The following CACNA1E variants were observed in gnomAD, a reference collection of about 807,000 sequenced individuals.
The protein encoded by CACNA1E is calcium voltage-gated channel subunit alpha1 E.
In CACNA1E, 40 loss-of-function variants were observed where a neutral mutation model predicts 259.2. The observed-to-expected ratio is 0.15, with a 90% CI of 0.12 to 0.20. CACNA1E has a LOEUF of 0.20. Among genes scored for constraint, CACNA1E ranks in the 10% least tolerant of loss-of-function variants. The pLI is 1.00. For synonymous variants in CACNA1E, 1,104 were observed against 1,138.5 expected (o/e 0.97, Z 0.61); for missense variants, 1,874 against 3,040.1 (o/e 0.62, Z 9.02).
At chr1:181,731,040 A>G in intron 18 of CACNA1E, 135 bp from the exon 19 acceptor site, 1 of 687,904 alleles carries the variant, frequency 1.5e-6, no homozygotes, top group South Asian at 1.6e-5. Flanking sequence ...AGTCTACAGA[A>G]GGCAAGCAGG....
intron 6 of CACNA1E, among the ~76,000 whole-genome samples, chr1:181,643,703 T>G (rs1658009091): frequency 6.6e-6 from 1 of 152,170 alleles, no homozygotes; most frequent in Admixed American, 6.5e-5. Flanking sequence ...TGCTGCATTT[T>G]CCCACTGGCA....
At chr1:181,424,012 G>C (rs1340024932) in intron 2 of CACNA1E, among the ~76,000 whole-genome samples, 1 of 152,170 alleles carries the variant, frequency 6.6e-6, no homozygotes, top group Non-Finnish European at 1.5e-5. Flanking sequence ...TGAGTTTGCA[G>C]GTCTGCAAAA....
At chr1:181,489,730 A>G (rs925771740) in intron 1 of CACNA1E, among the ~76,000 whole-genome samples, 5 of 152,308 alleles carry the variant, frequency 3.3e-5, no homozygotes, top group African/African-American at 1.2e-4. Flanking sequence ...AGTCCTCTGT[A>G]ACCATTTCTT....
intron 17 of CACNA1E, 111 bp from the exon 18 acceptor site, chr1:181,725,954 T>A (rs965480791): frequency 1.5e-6 from 1 of 673,252 alleles, no homozygotes; most frequent in African/African-American, 1.8e-5. Flanking sequence ...CCTCTTCCTG[T>A]GTCTTCCTCA....
At chr1:181,541,762 A>G (rs542652956) in intron 3 of CACNA1E, among the ~76,000 whole-genome samples, 26 of 152,346 alleles carry the variant, frequency 1.7e-4, no homozygotes, top group African/African-American at 6.0e-4. Flanking sequence ...TTCGTATAAT[A>G]GAGAAGTAGC....
rs894437066 is a variant in CACNA1E at position 181,578,408 on chromosome 1, T to TA, written c.616+547dup. 7.9e-5 allele frequency among the ~76,000 whole-genome samples: 12 copies of TA among 151,410 alleles called. No individual in the cohort carries two copies. The South Asian group carries it at 1.2e-3, about 16-fold the overall frequency. On this transcript the variant is annotated intron_variant, in intron 4 of 47. Coordinates refer to ENST00000367573, the MANE Select transcript of CACNA1E (RefSeq NM_001205293.3). ...CATCTCCACAAAAAATAGAAAAAAG[T>TA]AAAAAAAATGTAGCTGAGCATGGCA...
At chr1:181,452,091 T>A (rs944324235) in intron 2 of CACNA1E, among the ~76,000 whole-genome samples, 7 of 152,212 alleles carry the variant, frequency 4.6e-5, no homozygotes, top group Non-Finnish European at 1.0e-4. Flanking sequence ...GGAGCCCCTA[T>A]GGTTAGGGCC....
At chr1:181,387,600 G>A (rs1214988053) in intron 1 of CACNA1E, among the ~76,000 whole-genome samples, 1 of 152,166 alleles carries the variant, frequency 6.6e-6, no homozygotes, top group Non-Finnish European at 1.5e-5. Flanking sequence ...CCCACGACAC[G>A]GTGCCCAGGG....
At chr1:181,585,016 C>CG (rs1189082815) in intron 6 of CACNA1E, among the ~76,000 whole-genome samples, 10 of 149,386 alleles carry the variant, frequency 6.7e-5, no homozygotes, top group South Asian at 2.1e-4. Flanking sequence ...ACTGGTCCCC[C>CG]CCCCTGCCTC....
intron 1 of CACNA1E, among the ~76,000 whole-genome samples, chr1:181,339,953 A>G (rs898205901): frequency 6.6e-6 from 1 of 151,946 alleles, no homozygotes; most frequent in African/African-American, 2.4e-5. Flanking sequence ...TTTTTATGAC[A>G]GTTTTTACAC....
At chr1:181,702,877 CA>C (rs1415113105) in intron 7 of CACNA1E, among the ~76,000 whole-genome samples, 5 of 152,206 alleles carry the variant, frequency 3.3e-5, no homozygotes, top group African/African-American at 1.2e-4. Context: ...GAGGAATTAT[CA>C]GTTTATAACA....
intron 13 of CACNA1E, 43 bp downstream of exon 13, chr1:181,719,906 T>G (rs1572695986): frequency 5.2e-6 from 6 of 1,142,860 alleles, no homozygotes; most frequent in Non-Finnish European, 6.4e-6. Flanking sequence ...TCTTTGAGAG[T>G]AGAACCTTTT....
chr1:181,464,023 A>G (rs995089173), intron 2 of CACNA1E, among the ~76,000 whole-genome samples: 1 of 152,050 alleles, frequency 6.6e-6, no homozygotes, highest in Non-Finnish European at 1.5e-5. Context: ...TTTCTCTGCT[A>G]TGATTAGTCC....
chr1:181,402,293 G>T (rs1657156306), intron 1 of CACNA1E, among the ~76,000 whole-genome samples: 2 of 152,156 alleles, frequency 1.3e-5, no homozygotes, highest in Admixed American at 6.5e-5. Context: ...GTTAGAGGGT[G>T]GTGTGAAGAC....
At position 181,359,182 on chromosome 1, in the gene CACNA1E, T is replaced by C. The variant is rs577297314; in HGVS notation, c.-15+41059T>C. Among the ~76,000 whole-genome samples, 3 of 152,330 alleles carry C rather than the reference T, an allele frequency of 2.0e-5. No individual in the cohort carries two copies. In the South Asian group the frequency reaches 6.2e-4, roughly 32 times the overall value. On this transcript the variant is annotated intron_variant, in intron 1 of 11. Coordinates refer to the CACNA1E transcript ENST00000524607. ...GCTAAATGCATAGCATGTACAATCA[T>C]ATTGATATAAGACACTGTCCTTTAG...
At position 181,798,854 on chromosome 1, in the gene CACNA1E, T is replaced by C; in HGVS notation, c.*20T>C. On this transcript the variant is annotated 3_prime_UTR_variant, in exon 48 of 48. Coordinates refer to ENST00000367573, the MANE Select transcript of CACNA1E (RefSeq NM_001205293.3). The surrounding 1 kb of genome is among the most constrained non-coding windows in gnomAD (Gnocchi z 4.2). ...TGCTAGAGGCTGCTCCCCCCTCCGA[T>C]GCATGCTCTTCTCTCACATGGAGAA... 1 of 1,491,176 alleles carries C rather than the reference T, an allele frequency of 6.7e-7. No individual in the cohort carries two copies. Among genetic ancestry groups the C allele is most frequent in the South Asian group, 1.4e-5 (1 of 72,664 alleles). The allele number at this position is 1,491,176 out of a possible 1,614,324, so 92.4% of individuals were successfully genotyped here.
At chr1:181,442,432 A>G (rs1660559308) in intron 2 of CACNA1E, among the ~76,000 whole-genome samples, 1 of 147,066 alleles carries the variant, frequency 6.8e-6, no homozygotes, top group South Asian at 2.1e-4. Flanking sequence ...TATAAGGGGC[A>G]CAGGTATGAA....
intron 6 of CACNA1E, among the ~76,000 whole-genome samples, chr1:181,605,344 G>A (rs1654134111): frequency 1.3e-5 from 2 of 152,198 alleles, no homozygotes; most frequent in South Asian, 4.2e-4. Context: ...AGCAGGTGGG[G>A]GCTGGGAAGT....
intron 1 of CACNA1E, among the ~76,000 whole-genome samples, chr1:181,370,186 T>C (rs1654579805): frequency 6.6e-6 from 1 of 152,120 alleles, no homozygotes; most frequent in Non-Finnish European, 1.5e-5. Context: ...TTGGACACTG[T>C]GTTAGTGTTG....
Sources: gnomAD v4.1 joint callset for allele counts (sites outside exome capture counted in the v4.1 genomes callset) on GRCh38, gnomAD v4.1.1 for gene constraint, Gnocchi (gnomAD v3.1) non-coding constraint, MANE v1.5 for transcripts, NCBI Gene and HGNC (gene_info 2026-07-23, HGNC 2026-07-21) for gene names.